Variants in ANGPT2 observed in about 807,000 individuals in gnomAD.
The protein encoded by ANGPT2 is angiopoietin 2, also known as angiopoietin-2.
Under a neutral mutation model 62.9 loss-of-function variants are expected in ANGPT2, and 28 were observed. The observed-to-expected ratio is 0.44, with a 90% CI of 0.33 to 0.61. The LOEUF (loss-of-function observed/expected upper bound fraction) is 0.61, where lower values mean the gene tolerates loss of function less well. Ranked by LOEUF, ANGPT2 falls within the 20% of genes least tolerant of loss-of-function variation. The pLI, the probability that ANGPT2 is intolerant of heterozygous loss-of-function variation, is 0.03. For synonymous variants in ANGPT2, 284 were observed against 207.8 expected (o/e 1.37, Z -3.15); for missense variants, 727 against 594.9 (o/e 1.22, Z -2.31).
At chr8:6,521,980 C>T (rs937537832) in intron 3 of ANGPT2, among the ~76,000 whole-genome samples, 2 of 152,190 alleles carry the variant, frequency 1.3e-5, no homozygotes, top group Non-Finnish European at 1.5e-5. Context: ...CTTAGTCACC[C>T]TATGCGTTAA....
intron 5 of ANGPT2, among the ~76,000 whole-genome samples, chr8:6,516,355 A>C (rs769492359): frequency 2.0e-5 from 3 of 152,192 alleles, no homozygotes; most frequent in Non-Finnish European, 4.4e-5. Flanking sequence ...GAAAGGAGAA[A>C]AGATTTAGCA....
At chr8:6,520,877 A>T (rs1054929521) in intron 4 of ANGPT2, among the ~76,000 whole-genome samples, 4 of 152,214 alleles carry the variant, frequency 2.6e-5, no homozygotes, top group Non-Finnish European at 1.5e-5. Context: ...ACCTAAATAA[A>T]TGAATATCGG....
At chr8:6,537,426 T>C (rs1820705143) in intron 1 of ANGPT2, among the ~76,000 whole-genome samples, 1 of 152,104 alleles carries the variant, frequency 6.6e-6, no homozygotes, top group East Asian at 1.9e-4. Flanking sequence ...TCCTTCTAGC[T>C]GCATGGTTTG....
At chr8:6,509,737 T>A (rs1265020573) in intron 7 of ANGPT2, among the ~76,000 whole-genome samples, 3 of 152,136 alleles carry the variant, frequency 2.0e-5, no homozygotes, top group African/African-American at 7.2e-5. Context: ...ATATTGAAAA[T>A]GCATGGAATA....
intron 1 of ANGPT2, among the ~76,000 whole-genome samples, chr8:6,552,645 G>C (rs1183961949): frequency 1.3e-5 from 2 of 152,154 alleles, no homozygotes; most frequent in African/African-American, 4.8e-5. Context: ...GCATCTTACA[G>C]TTTCCAACAC....
At chr8:6,513,232 C>G (rs180803957) in intron 7 of ANGPT2, among the ~76,000 whole-genome samples, 1 of 152,142 alleles carries the variant, frequency 6.6e-6, no homozygotes, top group African/African-American at 2.4e-5. Flanking sequence ...CCCAGAGAAA[C>G]TTAAAGAAGT....
intron 7 of ANGPT2, among the ~76,000 whole-genome samples, chr8:6,513,341 T>C (rs1022615611): frequency 4.0e-5 from 6 of 151,294 alleles, no homozygotes; most frequent in Non-Finnish European, 5.9e-5. Flanking sequence ...TTTTCTTTTT[T>C]TTTTTTTTTG....
intron 8 of ANGPT2, chr8:6,508,670 C>A: frequency 1.7e-6 from 1 of 590,988 alleles, no homozygotes; most frequent in Non-Finnish European, 3.0e-6. Flanking sequence ...TGCTAAGAAT[C>A]AAATATCCCC....
intron 2 of ANGPT2, 28 bp downstream of exon 2, chr8:6,532,304 A>C (rs573312677): frequency 1.2e-6 from 2 of 1,613,886 alleles, no homozygotes; most frequent in Non-Finnish European, 1.7e-6. Flanking sequence ...CTGCAGGGAC[A>C]CCGTGTGCTT....
intron 1 of ANGPT2, among the ~76,000 whole-genome samples, chr8:6,552,889 G>T (rs1452237205): frequency 6.6e-6 from 1 of 151,762 alleles, no homozygotes; most frequent in African/African-American, 2.4e-5. Context: ...GATTCCAACT[G>T]TATGACATTC....
intron 1 of ANGPT2, among the ~76,000 whole-genome samples, chr8:6,551,609 C>T (rs1259453443): frequency 2.0e-5 from 3 of 152,114 alleles, no homozygotes; most frequent in East Asian, 1.9e-4. Flanking sequence ...CTGTTAAGAA[C>T]ATGTCACTGG....
intron 1 of ANGPT2, among the ~76,000 whole-genome samples, chr8:6,537,689 T>C (rs1010027989): frequency 4.6e-5 from 7 of 152,122 alleles, no homozygotes; most frequent in Non-Finnish European, 7.4e-5. Context: ...TATGGCAGAT[T>C]GATTACACAT....
chr8:6,526,257 TAAAAAAAAAAAA>T (rs35519559), intron 3 of ANGPT2, among the ~76,000 whole-genome samples: 782 of 77,502 alleles, frequency 0.01, 5 homozygotes, highest in Non-Finnish European at 0.014. Flanking sequence ...TTGCCTCTAC[TAAAAAAAAAAAA>T]AAAAAAAAAA....
intron 2 of ANGPT2, among the ~76,000 whole-genome samples, chr8:6,528,597 C>A (rs1461689529): frequency 6.6e-6 from 1 of 152,212 alleles, no homozygotes; most frequent in Non-Finnish European, 1.5e-5. Flanking sequence ...GCCGTGCGGG[C>A]CTTTGTGAGC....
intron 1 of ANGPT2, among the ~76,000 whole-genome samples, chr8:6,554,715 G>T (rs747239780): frequency 2.6e-5 from 4 of 152,186 alleles, no homozygotes; most frequent in Non-Finnish European, 4.4e-5. Context: ...GAACCAGTCT[G>T]ATTTTGGAGA....
intron 8 of ANGPT2, among the ~76,000 whole-genome samples, chr8:6,506,240 G>C (rs781651530): frequency 2.6e-5 from 4 of 151,840 alleles, no homozygotes; most frequent in Non-Finnish European, 5.9e-5. Context: ...TCTGGAGCTT[G>C]TCCAACTAGA....
chr8:6,505,951 G>GTA (rs559360717), intron 8 of ANGPT2, among the ~76,000 whole-genome samples: 16 of 5,704 alleles, frequency 2.8e-3, no homozygotes, highest in South Asian at 9.6e-3. Context: ...CTTTATATAT[G>GTA]TATATATAAA....
chr8:6,525,332 C>A (rs181752791), intron 3 of ANGPT2, among the ~76,000 whole-genome samples: 5 of 152,108 alleles, frequency 3.3e-5, no homozygotes, highest in Non-Finnish European at 7.4e-5. Flanking sequence ...TAGGTTCAAG[C>A]GATCCACCTG....
At chr8:6,561,525 A>G (rs1825539760) in intron 1 of ANGPT2, among the ~76,000 whole-genome samples, 1 of 152,254 alleles carries the variant, frequency 6.6e-6, no homozygotes, top group African/African-American at 2.4e-5. Flanking sequence ...TGGTGAAATG[A>G]AAGAGTGAGA....
Sources: gnomAD v4.1 joint callset for allele counts (sites outside exome capture counted in the v4.1 genomes callset) on GRCh38, gnomAD v4.1.1 for gene constraint, MANE v1.5 for transcripts, NCBI Gene and HGNC (gene_info 2026-07-23, HGNC 2026-07-21) for gene names.